ZNF622: variants seen among roughly 807,000 people sequenced by gnomAD.
The protein encoded by ZNF622 is cytoplasmic 60S subunit biogenesis factor ZNF622.
Under a neutral mutation model 49.7 loss-of-function variants are expected in ZNF622, and 34 were observed. The observed-to-expected ratio is 0.68, with a 90% CI of 0.52 to 0.91. ZNF622 has a LOEUF of 0.91. Among genes scored for constraint, ZNF622 ranks in the 40% least tolerant of loss-of-function variants. ZNF622 has a pLI of 0.00. For missense variants in ZNF622, 569 were observed against 616.4 expected (o/e 0.92, Z 0.81); for synonymous variants, 209 against 228.7 (o/e 0.91, Z 0.78).
rs149542928 is a variant in ZNF622 at position 16,456,343 on chromosome 5, A to G, written c.1162+2174T>C. On this transcript the variant is annotated intron_variant, in intron 4 of 5. Coordinates refer to ENST00000308683, the MANE Select transcript of ZNF622 (RefSeq NM_033414.3). ...CTTTCATACCAACTTACTCCAAAAG[A>G]GCTGAAGAGCAACGAAGGAAACCCA... Among the ~76,000 whole-genome samples, 5 of 152,320 alleles carry G rather than the reference A, an allele frequency of 3.3e-5. No individual in the cohort carries two copies. The East Asian group carries it at 7.7e-4, about 24-fold the overall frequency.
chr5:16,453,427 C>T (rs756574946), intron 4 of ZNF622, among the ~76,000 whole-genome samples: 7 of 151,276 alleles, frequency 4.6e-5, no homozygotes, highest in Admixed American at 2.0e-4. Context: ...AAGTGAAAAA[C>T]TTAGCATTGT....
chr5:16,464,622 G>T (rs1481573654), intron 1 of ZNF622, among the ~76,000 whole-genome samples: 1 of 152,052 alleles, frequency 6.6e-6, no homozygotes, highest in African/African-American at 2.4e-5. Flanking sequence ...TGGCTGAGTT[G>T]GTTTTGATCC....
intron 3 of ZNF622, among the ~76,000 whole-genome samples, chr5:16,462,257 G>A (rs1046477138): frequency 3.3e-5 from 5 of 152,160 alleles, no homozygotes; most frequent in Non-Finnish European, 5.9e-5. Flanking sequence ...TGCCTGGCAT[G>A]GTAATTATAC....
At chr5:16,460,093 C>T (rs1738099962) in intron 3 of ZNF622, among the ~76,000 whole-genome samples, 1 of 152,182 alleles carries the variant, frequency 6.6e-6, no homozygotes, top group Admixed American at 6.5e-5. Context: ...AATGGTATAA[C>T]ATTTGCATAT....
rs763813100 is a variant in ZNF622, at chr5:16,463,298, T to C, written c.887-28A>G. 2 of 1,577,796 alleles carry C rather than the reference T, an allele frequency of 1.3e-6. No individual in the cohort carries two copies. Among genetic ancestry groups the C allele is most frequent in the East Asian group, 2.2e-5 (1 of 44,586 alleles). The stretch of plus-strand genomic sequence containing the variant: ...AGAAAAATAATTTAAGGAAAAAATA[T>C]GAAAAAAGCTTTTTGCAACCAGATT... On this transcript the variant is annotated intron_variant, in intron 2 of 5. Coordinates refer to ENST00000308683, the MANE Select transcript of ZNF622 (RefSeq NM_033414.3). The surrounding 1 kb of genome is among the most constrained non-coding windows in gnomAD (Gnocchi z 4.2).
At chr5:16,453,185 A>C in intron 4 of ZNF622, 29 bp from the exon 5 acceptor site, 2 of 1,440,100 alleles carry the variant, frequency 1.4e-6, no homozygotes, top group South Asian at 3.2e-5. Context: ...ATACTGAAAC[A>C]CTGAGTTGGA....
At chr5:16,453,955 T>A (rs1341721185) in intron 4 of ZNF622, among the ~76,000 whole-genome samples, 1 of 152,112 alleles carries the variant, frequency 6.6e-6, no homozygotes, top group African/African-American at 2.4e-5. Context: ...AATCACCTGG[T>A]GAATATGAAT....
rs752678340 is a variant in ZNF622, at chr5:16,458,501, TG to T, written c.1162+15del. The T allele has an allele frequency of 6.3e-7, 1 of 1,576,466 alleles. No homozygotes were observed. The highest frequency in any genetic ancestry group is 8.7e-7 in the Non-Finnish European group (1 of 1,147,470). ...CCACTGGCATTAAGCTATTTATTTT[TG>T]ACAAATGCACTTACCAGAAGGCAGA... On this transcript the variant is annotated intron_variant, in intron 4 of 5. Transcript: ENST00000308683.
At chr5:16,453,516 G>A (rs1299784394) in intron 4 of ZNF622, among the ~76,000 whole-genome samples, 1 of 143,666 alleles carries the variant, frequency 7.0e-6, no homozygotes, top group Non-Finnish European at 1.5e-5. Flanking sequence ...GGGCCTAGGA[G>A]ATAAGAGATT....
At chr5:16,457,648 A>C (rs770639693) in intron 4 of ZNF622, among the ~76,000 whole-genome samples, 1 of 152,174 alleles carries the variant, frequency 6.6e-6, no homozygotes, top group African/African-American at 2.4e-5. Context: ...GAAAGCCATA[A>C]GACAAGGCTG....
rs1579560846 is a variant in ZNF622 at position 16,453,071 on chromosome 5, C to T, written c.1248G>A (p.Arg416=). The change falls in exon 5 of 6, where the codon CGG becomes CGA. Residue 416 remains arginine (R), a synonymous_variant. Transcript: ENST00000308683. The part of the protein sequence containing the change: ...LSRAVAVAKN[R]KAVGRVLQQY... ...GCTGAAGTACTCGGCCCACGGCCTT[C>T]CGATTTTTGGCAACTGCCACAGCTC... 2 of 1,586,808 alleles carry T rather than the reference C, an allele frequency of 1.3e-6. No individual in the cohort carries two copies. Among genetic ancestry groups the T allele is most frequent in the Non-Finnish European group, 1.7e-6 (2 of 1,163,766 alleles).
In ZNF622 at chr5:16,465,323, C is replaced by A; in HGVS notation, c.343G>T (p.Glu115Ter). Residue 115 changes from glutamate (E) to a stop codon, truncating the protein, a stop_gained, in exon 1 of 6, where the codon GAG becomes TAG. Transcript: ENST00000308683. LOFTEE classifies it high-confidence loss of function. This position sits in a 1 kb window ranked among gnomAD's most constrained non-coding sequence, Gnocchi z 6.2. Reference protein sequence around the residue: ...KVEMMNEKNLEKGLGVDSVDK... With the variant: ...KVEMMNEKNL ...ACACTGTCCACGCCCAGTCCTTTCT[C>A]CAAGTTCTTTTCATTCATCATCTCC... 1 of 1,614,282 alleles carries A rather than the reference C, an allele frequency of 6.2e-7. No individual in the cohort carries two copies. Among genetic ancestry groups the A allele is most frequent in the Non-Finnish European group, 8.5e-7 (1 of 1,180,046 alleles).
intron 1 of ZNF622, among the ~76,000 whole-genome samples, chr5:16,464,040 C>T (rs26013): frequency 0.8 from 121,491 of 152,196 alleles, 48,772 homozygotes; most frequent in African/African-American, 0.9. Context: ...AAGTCTCCTA[C>T]CTGCCTGGAT....
chr5:16,453,896 A>G (rs1737979537), intron 4 of ZNF622, among the ~76,000 whole-genome samples: 1 of 152,108 alleles, frequency 6.6e-6, no homozygotes. Context: ...CAAAATGTCA[A>G]TAGTGCCAAG....
At position 16,451,554 on chromosome 5, in the gene ZNF622, T is replaced by C; in HGVS notation, c.*103A>G. 6.9e-7 allele frequency: 1 copy of C among 1,450,884 alleles called. No individual in the cohort carries two copies. 89.9% of individuals were successfully genotyped at this position (1,450,884 alleles called of 1,614,324 possible). A position where few individuals can be genotyped will look rare whatever the true frequency, so the allele number is the denominator to read the frequency against. On this transcript the variant is annotated 3_prime_UTR_variant, in exon 6 of 6. Transcript: ENST00000308683. ...ACTTTTATTATTAGGTCAGAACGAA[T>C]GAAGTAGCAGCAAAAGGGTCTCTCC...
In ZNF622 at chr5:16,458,603, C is replaced by CGGGA; in HGVS notation, c.1075_1076insTCCC (p.Gly359ValfsTer7). 6.2e-7 allele frequency: 1 copy of CGGGA among 1,613,346 alleles called. No individual in the cohort carries two copies. The highest frequency in any genetic ancestry group is 8.5e-7 in the Non-Finnish European group (1 of 1,179,518). ...CTCCTCAGCCTTATTGGGGTCCTCC[C>CGGGA]CTTCCTTGTGATCTGGATAGCTACT... On this transcript the variant is annotated frameshift_variant, in exon 4 of 6. Coordinates refer to ENST00000308683, the MANE Select transcript of ZNF622 (RefSeq NM_033414.3). LOFTEE classifies it high-confidence loss of function.
At chr5:16,464,219 G>C (rs1738172328) in intron 1 of ZNF622, among the ~76,000 whole-genome samples, 1 of 152,124 alleles carries the variant, frequency 6.6e-6, no homozygotes, top group Admixed American at 6.5e-5. Flanking sequence ...GGCATTAAGA[G>C]GTGGGGCCTT....
In ZNF622 at chr5:16,465,353, T is replaced by G. The variant is rs1488059626; in HGVS notation, c.313A>C (p.Lys105Gln). The G allele has an allele frequency of 5.6e-6, 9 of 1,614,274 alleles. No homozygotes were observed. The highest frequency in any genetic ancestry group is 1.1e-5 in the South Asian group (1 of 91,088). Residue 105 changes from lysine to glutamine, a missense_variant, in exon 1 of 6, where the codon AAA becomes CAA. Coordinates refer to ENST00000308683, the MANE Select transcript of ZNF622 (RefSeq NM_033414.3). The surrounding 1 kb of genome is among the most constrained non-coding windows in gnomAD (Gnocchi z 6.2). Reference protein sequence around the residue: ...EKKAVQAVNRKVEMMNEKNLE... With the variant: ...EKKAVQAVNRQVEMMNEKNLE... ...TTCTTTTCATTCATCATCTCCACTT[T>G]CCGATTCACTGCCTGCACGGCCTTC... is the stretch of plus-strand genomic sequence containing the variant.
Position 16,463,505 on chromosome 5 carries a change from A to G in ZNF622, c.863T>C (p.Ile288Thr), listed in dbSNP as rs745944907. Reference sequence around the variant, plus strand: ...ACCCAAGTATTTAATCAGTCCCTTAATATCTGAAAGATATTCTATATCAGG... The same window carrying G: ...ACCCAAGTATTTAATCAGTCCCTTAGTATCTGAAAGATATTCTATATCAGG... ...FIPDIEYLSD[I>T]KGLIKYLGEK... The change falls in exon 2 of 6, where the codon ATT (isoleucine) becomes ACT (threonine). Residue 288 changes from isoleucine (I) to threonine (T), a missense_variant. Ile to Thr is a moderately conservative substitution (Grantham distance 89). Coordinates refer to ENST00000308683, the MANE Select transcript of ZNF622 (RefSeq NM_033414.3). The surrounding 1 kb of genome is among the most constrained non-coding windows in gnomAD (Gnocchi z 4.2). The G allele has an allele frequency of 1.9e-6, 3 of 1,613,720 alleles. No individual in the cohort carries two copies. The highest frequency in any genetic ancestry group is 2.5e-6 in the Non-Finnish European group (3 of 1,179,608).
Sources: allele counts gnomAD v4.1 joint callset (sites outside exome capture counted in the v4.1 genomes callset), GRCh38; gene constraint gnomAD v4.1.1; non-coding constraint Gnocchi (gnomAD v3.1); transcripts MANE v1.5; gene names NCBI Gene and HGNC (gene_info 2026-07-23, HGNC 2026-07-21).